MYOM1: variants seen among roughly 807,000 people sequenced by gnomAD.
The protein encoded by MYOM1 is myomesin 1.
A neutral mutation model predicts 205.3 loss-of-function variants in MYOM1; 164 were observed. The ratio of observed to expected loss-of-function variants is 0.80; its 90% CI spans 0.70 to 0.91. The LOEUF is 0.91. MYOM1 is among the 40% of genes least tolerant of loss of function. MYOM1 has a pLI of 0.00. For missense variants in MYOM1, 2,011 were observed against 2,127.3 expected (o/e 0.95, Z 1.08); for synonymous variants, 772 against 789.4 (o/e 0.98, Z 0.37).
chr18:3,196,845 A>C (rs2080995356), intron 2 of MYOM1, among the ~76,000 whole-genome samples: 1 of 152,248 alleles, frequency 6.6e-6, no homozygotes, highest in South Asian at 2.1e-4. Flanking sequence ...GTAGACTTAC[A>C]CCTGCATTTA....
intron 14 of MYOM1, among the ~76,000 whole-genome samples, chr18:3,140,176 G>A (rs35325745): frequency 0.14 from 21,787 of 152,146 alleles, 1,722 homozygotes; most frequent in Middle Eastern, 0.23. Context: ...GGAGGCTGAG[G>A]CAGGAGGATT....
rs776641592 is a variant in MYOM1, at chr18:3,075,752, T to G, written c.4658A>C (p.Glu1553Ala). 9 of 1,593,210 alleles carry G rather than the reference T, an allele frequency of 5.6e-6. No homozygotes were observed. Among genetic ancestry groups the G allele is most frequent in the Non-Finnish European group, 7.7e-6 (9 of 1,168,554 alleles). The change falls in exon 35 of 38, where the codon GAG (glutamate) becomes GCG (alanine). Residue 1553 changes from glutamate (E) to alanine (A), a missense_variant. Physicochemically the swap from Glu to Ala is moderately radical, Grantham distance 107 (BLOSUM62 -1). Transcript: ENST00000356443. ...TVDLSGQAYD[E>A]AYAEFQRLKQ... Reference sequence around the variant, plus strand: ...CAACCTCTGGAATTCAGCATAGGCCTCATCGTATGCTTTAAAAGAAAAAAG... The same window carrying G: ...CAACCTCTGGAATTCAGCATAGGCCGCATCGTATGCTTTAAAAGAAAAAAG...
In MYOM1 at chr18:3,209,677, G is replaced by C. The variant is rs9954917; in HGVS notation, c.290+5257C>G. ...TGGCAGTGGCTGTCCCTGATGCCTG[G>C]TGCACCTTTACCCAGATAACCTCAT... On this transcript the variant is annotated intron_variant, in intron 2 of 37. Transcript: ENST00000356443. The surrounding 1 kb of genome is among the most constrained non-coding windows in gnomAD (Gnocchi z 4.0). 0.033 allele frequency among the ~76,000 whole-genome samples: 5,006 copies of C among 152,120 alleles called. 236 individuals carry two copies. The highest frequency in any genetic ancestry group is 0.11 in the African/African-American group (4,453 of 41,464).
At chr18:3,134,292 A>G (rs1377432448) in intron 16 of MYOM1, among the ~76,000 whole-genome samples, 2 of 152,174 alleles carry the variant, frequency 1.3e-5, no homozygotes, top group Admixed American at 6.5e-5. Flanking sequence ...CTCAAGCTGT[A>G]GTTGAACTCA....
the MYOM1 span, chr18:3,245,924 A>AT: frequency 6.6e-6 from 1 of 152,144 alleles, no homozygotes; most frequent in Non-Finnish European, 1.5e-5. Flanking sequence ...CTAACTCCGC[A>AT]TTTTTTCTAT....
intron 2 of MYOM1, among the ~76,000 whole-genome samples, chr18:3,197,690 G>T (rs1298236389): frequency 6.6e-6 from 1 of 151,838 alleles, no homozygotes; most frequent in East Asian, 2.0e-4. Context: ...TAGCTAACAT[G>T]GTGAAACCCC....
In MYOM1 at chr18:3,124,244, C is replaced by T. The variant is rs1490294698; in HGVS notation, c.2991+2457G>A. 3.3e-5 allele frequency among the ~76,000 whole-genome samples: 5 copies of T among 151,086 alleles called. 1 individual carries two copies. Among genetic ancestry groups the T allele is most frequent in the South Asian group, 2.1e-4 (1 of 4,784 alleles). On this transcript the variant is annotated intron_variant, in intron 19 of 37. Coordinates refer to ENST00000356443, the MANE Select transcript of MYOM1 (RefSeq NM_003803.4). ...ACACAGACTCACGCATATAAGGAAA[C>T]GATATATGATACAGATACCCCTGCA...
chr18:3,161,184 T>C (rs76227611), intron 10 of MYOM1, among the ~76,000 whole-genome samples: 2,205 of 152,314 alleles, frequency 0.014, 44 homozygotes, highest in African/African-American at 0.049. Context: ...TCTTCCCTGA[T>C]GATATAGACT....
chr18:3,086,599 G>T (rs939974006), intron 29 of MYOM1, among the ~76,000 whole-genome samples: 2 of 141,442 alleles, frequency 1.4e-5, no homozygotes, highest in Non-Finnish European at 3.1e-5. Flanking sequence ...AAAGATAAAT[G>T]AAGCATTGCA....
rs2144151014 is a variant in MYOM1, at chr18:3,188,984, T to C, written c.535A>G (p.Thr179Ala). Residue 179 changes from threonine to alanine, a missense_variant, in exon 4 of 38, where the codon ACA (threonine) becomes GCA (alanine). Physicochemically the swap from Thr to Ala is moderately conservative, Grantham distance 58. Coordinates refer to ENST00000356443, the MANE Select transcript of MYOM1 (RefSeq NM_003803.4). The part of the protein sequence containing the change: ...RNLLASEEGI[T>A]TSKQSTASKQ... Reference sequence around the variant, plus strand: ...GATGCCGTGGACTGTTTAGATGTTGTGATTCCTTCCTCACTAGCAAGAAGA... The same window carrying C: ...GATGCCGTGGACTGTTTAGATGTTGCGATTCCTTCCTCACTAGCAAGAAGA... 2 of 1,613,614 alleles carry C rather than the reference T, an allele frequency of 1.2e-6. No individual in the cohort carries two copies. Among genetic ancestry groups the C allele is most frequent in the Non-Finnish European group, 1.7e-6 (2 of 1,179,824 alleles).
At chr18:3,238,389 GGGGGT>G in the MYOM1 span, among the ~76,000 whole-genome samples, 3 of 152,076 alleles carry the variant, frequency 2.0e-5, no homozygotes, top group Non-Finnish European at 4.4e-5. Flanking sequence ...GGGGGAGGCA[GGGGGT>G]GTTGGGGACC....
chr18:3,199,186 G>A (rs1201097040), intron 2 of MYOM1, among the ~76,000 whole-genome samples: 2 of 152,204 alleles, frequency 1.3e-5, no homozygotes, highest in Non-Finnish European at 2.9e-5. Flanking sequence ...AGCAGCCAGG[G>A]AAGACTGACT....
At chr18:3,182,817 G>C (rs1054083522) in intron 5 of MYOM1, among the ~76,000 whole-genome samples, 1 of 149,648 alleles carries the variant, frequency 6.7e-6, no homozygotes, top group East Asian at 2.0e-4. Context: ...CACTACATAT[G>C]TATTTTCCCT....
At chr18:3,161,466 T>G (rs1287641445) in intron 10 of MYOM1, among the ~76,000 whole-genome samples, 3 of 152,192 alleles carry the variant, frequency 2.0e-5, no homozygotes, top group Non-Finnish European at 2.9e-5. Flanking sequence ...CTGCATGTGC[T>G]AAGTGTGCAC....
At chr18:3,138,648 C>A (rs1226465317) in intron 14 of MYOM1, among the ~76,000 whole-genome samples, 1 of 152,100 alleles carries the variant, frequency 6.6e-6, no homozygotes, top group Non-Finnish European at 1.5e-5. Context: ...TTAACATATT[C>A]CACCCTGGCA....
chr18:3,116,514 T>C lies in MYOM1; in HGVS notation c.3120A>G (p.Gly1040=), dbSNP rs773227199. ...CACTACACTTGAGACTGTGCGGTGG[T>C]CCTGAGAGAGAGAGAAGCCAATGAG... The part of the protein sequence containing the change: ...KCEEWTIAVP[G]PPHSLKCSEV... Residue 1040 remains glycine, a splice_region_variant and synonymous_variant, in exon 21 of 38, where the codon GGA becomes GGG. Transcript: ENST00000356443. 3.3e-6 allele frequency: 5 copies of C among 1,523,272 alleles called. No homozygotes were observed. In the East Asian group the frequency reaches 1.2e-4, roughly 35 times the overall value. The allele number at this position is 1,523,272 out of a possible 1,614,324, so 94.4% of individuals were successfully genotyped here.
chr18:3,094,828 G>GT (rs1262619691), intron 25 of MYOM1, among the ~76,000 whole-genome samples: 3 of 151,628 alleles, frequency 2.0e-5, no homozygotes, highest in African/African-American at 7.3e-5. Flanking sequence ...CATTCGGCTA[G>GT]TTTTTTATTT....
the MYOM1 span, among the ~76,000 whole-genome samples, chr18:3,232,745 G>A: frequency 6.6e-6 from 1 of 152,126 alleles, no homozygotes; most frequent in Non-Finnish European, 1.5e-5. Context: ...ACCTGCAGTT[G>A]TGATATATGC....
intron 17 of MYOM1, among the ~76,000 whole-genome samples, chr18:3,131,038 G>A (rs374115817): frequency 6.6e-6 from 1 of 152,220 alleles, no homozygotes; most frequent in Non-Finnish European, 1.5e-5. Flanking sequence ...TGTGTTATGG[G>A]TGATATACCA....
Sources: gnomAD v4.1 joint callset for allele counts (sites outside exome capture counted in the v4.1 genomes callset) on GRCh38, gnomAD v4.1.1 for gene constraint, Gnocchi (gnomAD v3.1) non-coding constraint, MANE v1.5 for transcripts, NCBI Gene and HGNC (gene_info 2026-07-23, HGNC 2026-07-21) for gene names.